The following DMD variants were observed in gnomAD, a reference collection of about 807,000 sequenced individuals.
The protein encoded by DMD is mutant dystrophin.
In DMD, 63 loss-of-function variants were observed where a neutral mutation model predicts 330.1. The ratio of observed to expected loss-of-function variants is 0.19; its 90% CI spans 0.16 to 0.24. The LOEUF (loss-of-function observed/expected upper bound fraction) is 0.24. Among genes scored for constraint, DMD ranks in the 10% least tolerant of loss-of-function variants. The pLI is 1.00. For missense variants in DMD, 3,344 were observed against 2,684.1 expected (o/e 1.25, Z -5.43); for synonymous variants, 1,223 against 959.8 (o/e 1.27, Z -5.07).
At chrX:31,413,384 T>C (rs1324478460) in intron 60 of DMD, among the ~76,000 whole-genome samples, 2 of 112,629 alleles carry the variant, frequency 1.8e-5, no homozygotes, top group Non-Finnish European at 3.7e-5. Context: ...TCTTGTTAAA[T>C]TTTATTTTAA....
intron 2 of DMD, among the ~76,000 whole-genome samples, chrX:33,000,411 T>C (rs753738086): frequency 5.3e-5 from 6 of 112,507 alleles, no homozygotes; most frequent in African/African-American, 1.9e-4. Context: ...GTCTGACCAA[T>C]AGTTTCTTAA....
intron 13 of DMD, among the ~76,000 whole-genome samples, chrX:32,594,177 T>C (rs808546): frequency 0.28 from 31,009 of 111,198 alleles, 3,231 homozygotes; most frequent in South Asian, 0.53. Flanking sequence ...GGAAGTATTT[T>C]TAGAGTTCTA....
Position 31,234,066 on chromosome X carries a change from G to A in DMD, c.9287-10945C>T, listed in dbSNP as rs748658397. On this transcript the variant is annotated intron_variant, in intron 63 of 78. Coordinates refer to ENST00000357033, the MANE Select transcript of DMD (RefSeq NM_004006.3). ...TTCTCATAGAACAGTCAGCTGCAACGGAGGCTCTGTTACCCTAACAGAAGC... is the reference window on the plus strand; with the variant it reads ...TTCTCATAGAACAGTCAGCTGCAACAGAGGCTCTGTTACCCTAACAGAAGC... 2.7e-5 allele frequency among the ~76,000 whole-genome samples: 3 copies of A among 112,063 alleles called. No individual in the cohort carries two copies. In the South Asian group the frequency reaches 1.1e-3, roughly 42 times the overall value.
intron 1 of DMD, among the ~76,000 whole-genome samples, chrX:33,287,045 T>C (rs1242228745): frequency 1.8e-5 from 2 of 111,883 alleles, no homozygotes; most frequent in Admixed American, 9.5e-5. Context: ...TGGAATGCCA[T>C]GGACTGTGAC....
intron 7 of DMD, among the ~76,000 whole-genome samples, chrX:32,728,467 C>A (rs760412378): frequency 9.8e-5 from 11 of 111,840 alleles, no homozygotes; most frequent in Non-Finnish European, 1.9e-4. Context: ...CAGTAGTTTC[C>A]ACAAAGCAGG....
intron 52 of DMD, among the ~76,000 whole-genome samples, chrX:31,701,165 T>A (rs1051572097): frequency 8.9e-6 from 1 of 112,069 alleles, no homozygotes; most frequent in African/African-American, 3.2e-5. Flanking sequence ...TAAATATTTT[T>A]AAAATCATGT....
chrX:31,139,478 C>T (rs1037352192), intron 76 of DMD, among the ~76,000 whole-genome samples: 265 of 72,060 alleles, frequency 3.7e-3, no homozygotes, highest in Middle Eastern at 0.026. Flanking sequence ...TTTATATACA[C>T]ACACACACAC....
At chrX:31,664,704 A>G (rs1307116778) in intron 53 of DMD, among the ~76,000 whole-genome samples, 1 of 95,653 alleles carries the variant, frequency 1.0e-5, no homozygotes, top group Non-Finnish European at 2.0e-5. Context: ...CAAATCTTCT[A>G]CTTCCATTGA....
chrX:32,359,622 C>A (rs1055592678), intron 37 of DMD, among the ~76,000 whole-genome samples: 3 of 111,492 alleles, frequency 2.7e-5, no homozygotes, highest in Non-Finnish European at 5.6e-5. Flanking sequence ...TACTCCAGAG[C>A]AAACACACAC....
intron 19 of DMD, among the ~76,000 whole-genome samples, chrX:32,496,161 A>G (rs2043468403): frequency 8.9e-6 from 1 of 112,216 alleles, no homozygotes; most frequent in Non-Finnish European, 1.9e-5. Flanking sequence ...AAAGTGAAGT[A>G]TTCCTCATCA....
intron 44 of DMD, among the ~76,000 whole-genome samples, chrX:32,043,857 T>C (rs2096033390): frequency 8.9e-6 from 1 of 112,212 alleles, no homozygotes; most frequent in Non-Finnish European, 1.9e-5. Flanking sequence ...ATAATTTTTT[T>C]CTAGAAATGT....
intron 63 of DMD, among the ~76,000 whole-genome samples, chrX:31,251,469 T>C (rs2049359066): frequency 8.9e-6 from 1 of 112,232 alleles, no homozygotes; most frequent in African/African-American, 3.2e-5. Flanking sequence ...TTCCTGGAGT[T>C]ATGCAAGCGA....
chrX:32,519,591 T>C (rs918825462), intron 17 of DMD, among the ~76,000 whole-genome samples: 5 of 112,029 alleles, frequency 4.5e-5, no homozygotes, highest in African/African-American at 1.6e-4. Context: ...ATATAGCCCA[T>C]GATTTCAATA....
At chrX:32,980,491 C>T (rs748873103) in intron 2 of DMD, among the ~76,000 whole-genome samples, 2 of 109,146 alleles carry the variant, frequency 1.8e-5, no homozygotes, top group Admixed American at 2.0e-4. Context: ...GTTAGAACTC[C>T]GACACAATGT....
At chrX:32,266,690 T>G (rs1006764811) in intron 43 of DMD, among the ~76,000 whole-genome samples, 1 of 112,071 alleles carries the variant, frequency 8.9e-6, no homozygotes, top group Non-Finnish European at 1.9e-5. Context: ...TGGCCATTGA[T>G]AAGAGCGATA....
chrX:31,241,833 T>C lies in DMD; in HGVS notation c.9287-18712A>G, dbSNP rs569248070. 1.2e-3 allele frequency among the ~76,000 whole-genome samples: 131 copies of C among 111,789 alleles called. 4 individuals carry two copies. In the South Asian group the frequency reaches 0.047, roughly 40 times the overall value. ...TATTCCAAAACACAGAAGACGGACT[T>C]CATTATTTCTCTTTTCTGAAGATTT... is the stretch of plus-strand genomic sequence containing the variant. On this transcript the variant is annotated intron_variant, in intron 63 of 78. Coordinates refer to ENST00000357033, the MANE Select transcript of DMD (RefSeq NM_004006.3).
Position 32,824,540 on chromosome X carries a change from GA to G in DMD, c.265-1154del, listed in dbSNP as rs1001371264. The stretch of plus-strand genomic sequence containing the variant: ...ATGAATCCGTATCTATGAGAGTCTT[GA>G]AAAGACAAAGTTACAGAAATAGAGA... On this transcript the variant is annotated intron_variant, in intron 4 of 78. Coordinates refer to ENST00000357033, the MANE Select transcript of DMD (RefSeq NM_004006.3). Among the ~76,000 whole-genome samples the G allele has an allele frequency of 3.6e-5, 4 of 111,874 alleles. No individual in the cohort carries two copies. The Admixed American group carries it at 3.8e-4, about 11-fold the overall frequency.
Position 31,861,638 on chromosome X carries a change from C to CAGTGTGTGTG in DMD, c.7098+13549_7098+13550insCACACACACT, listed in dbSNP as rs375434031. The stretch of plus-strand genomic sequence containing the variant: ...AACTACTAATACAGAAAATAATCAC[C>CAGTGTGTGTG]TGTGTGTGTGTGTGTGTGTGTGTGT... On this transcript the variant is annotated intron_variant, in intron 48 of 78. Coordinates refer to ENST00000357033, the MANE Select transcript of DMD (RefSeq NM_004006.3). Among the ~76,000 whole-genome samples the CAGTGTGTGTG allele has an allele frequency of 7.2e-5, 6 of 83,105 alleles. 1 individual carries two copies. The highest frequency in any genetic ancestry group is 1.3e-4 in the Non-Finnish European group (6 of 44,768). 72.2% of individuals were successfully genotyped at this position (83,105 alleles called of 115,157 possible).
intron 41 of DMD, among the ~76,000 whole-genome samples, chrX:32,321,738 C>T (rs866933060): frequency 1.8e-5 from 2 of 111,737 alleles, no homozygotes; most frequent in Admixed American, 9.6e-5. Flanking sequence ...ATATCAAAAC[C>T]TTAACTGCAT....
Sources: gnomAD v4.1 joint callset for allele counts (sites outside exome capture counted in the v4.1 genomes callset) on GRCh38, gnomAD v4.1.1 for gene constraint, MANE v1.5 for transcripts, NCBI Gene and HGNC (gene_info 2026-07-23, HGNC 2026-07-21) for gene names.